The following NDUFA5 variants were observed in gnomAD, a reference collection of about 807,000 sequenced individuals.
NDUFA5 encodes NADH:ubiquinone oxidoreductase subunit A5.
Under a neutral mutation model 19.8 loss-of-function variants are expected in NDUFA5, and 11 were observed. The observed-to-expected ratio is 0.56, with a 90% CI of 0.35 to 0.92. NDUFA5 has a LOEUF of 0.92. NDUFA5 is among the 40% of genes least tolerant of loss of function. NDUFA5 has a pLI of 0.01. For missense variants in NDUFA5, 109 were observed against 134.2 expected (o/e 0.81, Z 0.93); for synonymous variants, 47 against 46.8 (o/e 1.00, Z -0.01).
chr7:123,543,674 A>C (rs544818535), intron 4 of NDUFA5, among the ~76,000 whole-genome samples: 31 of 152,310 alleles, frequency 2.0e-4, no homozygotes, highest in African/African-American at 7.0e-4. Context: ...CTGACTTAAA[A>C]ATACTTAATA....
chr7:123,548,570 T>C (rs986085597), intron 3 of NDUFA5, among the ~76,000 whole-genome samples: 5 of 152,176 alleles, frequency 3.3e-5, no homozygotes, highest in Admixed American at 2.6e-4. Flanking sequence ...AAAATAAAAA[T>C]GCAAGGAATC....
Position 123,538,258 on chromosome 7 carries a change from TAC to T in NDUFA5, c.*3859_*3860del, listed in dbSNP as rs1797812347. 6.6e-6 allele frequency: 1 copy of T among 152,326 alleles called. No homozygotes were observed. Among genetic ancestry groups the T allele is most frequent in the African/African-American group, 2.4e-5 (1 of 41,574 alleles). 9.4% of individuals were successfully genotyped at this position (152,326 alleles called of 1,614,324 possible). On this transcript the variant is annotated 3_prime_UTR_variant, in exon 5 of 5. Transcript: ENST00000355749. ...TTAGACATGCAGTATGAATAAAAAA[TAC>T]ACTTAAGACACTGGGATTTAAGGAT... is the stretch of plus-strand genomic sequence containing the variant.
In NDUFA5 at chr7:123,537,283, T is replaced by C. The variant is rs1797780757; in HGVS notation, c.*4836A>G. 6.6e-6 allele frequency: 1 copy of C among 152,196 alleles called. No individual in the cohort carries two copies. The highest frequency in any genetic ancestry group is 1.5e-5 in the Non-Finnish European group (1 of 68,018). The allele number at this position is 152,196 out of a possible 1,614,324, so 9.4% of individuals were successfully genotyped here. A position where few individuals can be genotyped will look rare whatever the true frequency, so the allele number is the denominator to read the frequency against. ...TAGTGGCTTGATAAAATCAAGCATT[T>C]CAAAGTATCTCCTGTTGTTACTACA... On this transcript the variant is annotated 3_prime_UTR_variant, in exon 5 of 5. Coordinates refer to ENST00000355749, the MANE Select transcript of NDUFA5 (RefSeq NM_005000.5).
intron 3 of NDUFA5, 32 bp from the exon 4 acceptor site, chr7:123,545,708 A>G: frequency 6.8e-7 from 1 of 1,461,786 alleles, no homozygotes. Context: ...AAATTAAAGA[A>G]GCATACTAAC....
chr7:123,542,724 C>G (rs1343922023), intron 4 of NDUFA5, among the ~76,000 whole-genome samples: 1 of 151,954 alleles, frequency 6.6e-6, no homozygotes, highest in Non-Finnish European at 1.5e-5. Flanking sequence ...TTCCATGACC[C>G]ACAGTCACTT....
chr7:123,560,308 A>T (rs1798672602), upstream of NDUFA5, among the ~76,000 whole-genome samples: 1 of 152,258 alleles, frequency 6.6e-6, no homozygotes, highest in Non-Finnish European at 1.5e-5. Flanking sequence ...CTATCCAACA[A>T]TATATTGGAA....
chr7:123,563,409 C>T, the NDUFA5 span, among the ~76,000 whole-genome samples: 1 of 152,150 alleles, frequency 6.6e-6, no homozygotes, highest in African/African-American at 2.4e-5. Flanking sequence ...AGATGGGGAA[C>T]AGCCAGTCGG....
rs56974030 is a variant in NDUFA5, at chr7:123,540,890, G to GCACACA, written c.*1223_*1228dup. The GCACACA allele has an allele frequency of 0.05, 6,662 of 133,780 alleles. 187 individuals are homozygous for GCACACA. The highest frequency in any genetic ancestry group is 0.059 in the African/African-American group (2,006 of 33,846). The allele number at this position is 133,780 out of a possible 1,614,324, so 8.3% of individuals were successfully genotyped here. On this transcript the variant is annotated 3_prime_UTR_variant, in exon 5 of 5. Coordinates refer to ENST00000355749, the MANE Select transcript of NDUFA5 (RefSeq NM_005000.5). ...TCTGAGCAAATGTGCGCATGCGCGTGCACACACACACACACACACACACAC... is the reference window on the plus strand; with the variant it reads ...TCTGAGCAAATGTGCGCATGCGCGTGCACACACACACACACACACACACACACACAC...
At chr7:123,547,931 G>A (rs992725633) in intron 3 of NDUFA5, among the ~76,000 whole-genome samples, 1 of 151,856 alleles carries the variant, frequency 6.6e-6, no homozygotes, top group Non-Finnish European at 1.5e-5. Flanking sequence ...AAAAGTGTTC[G>A]AGGTGGGTAT....
At chr7:123,578,602 C>A in the NDUFA5 span, among the ~76,000 whole-genome samples, 1 of 152,110 alleles carries the variant, frequency 6.6e-6, no homozygotes, top group Non-Finnish European at 1.5e-5. Flanking sequence ...ATTATGGAGA[C>A]CTTTGCCAAT....
chr7:123,598,352 G>T, the NDUFA5 span, among the ~76,000 whole-genome samples: 2 of 152,130 alleles, frequency 1.3e-5, no homozygotes, highest in African/African-American at 4.8e-5. Flanking sequence ...TAAACCTTTA[G>T]ATATCTCTAA....
At chr7:123,600,539 T>C in the NDUFA5 span, among the ~76,000 whole-genome samples, 4 of 152,240 alleles carry the variant, frequency 2.6e-5, no homozygotes, top group African/African-American at 9.6e-5. Context: ...TGTTTCACAA[T>C]GCTGATTGCT....
chr7:123,568,879 A>G, the NDUFA5 span, among the ~76,000 whole-genome samples: 1 of 152,248 alleles, frequency 6.6e-6, no homozygotes, highest in South Asian at 2.1e-4. Context: ...AATTATGAAA[A>G]TACATAATAA....
chr7:123,565,342 G>A, the NDUFA5 span, among the ~76,000 whole-genome samples: 1 of 150,386 alleles, frequency 6.6e-6, no homozygotes, highest in Non-Finnish European at 1.5e-5. Flanking sequence ...ATCCTCAGAC[G>A]TAACAGACGC....
intron 2 of NDUFA5, chr7:123,555,874 A>G (rs1395622385): frequency 6.6e-6 from 1 of 152,188 alleles, no homozygotes; most frequent in Non-Finnish European, 1.5e-5. Context: ...GAAAGGAGAG[A>G]TCTGACCTAC....
upstream of NDUFA5, among the ~76,000 whole-genome samples, chr7:123,559,762 A>C (rs960564931): frequency 6.6e-6 from 1 of 151,580 alleles, no homozygotes; most frequent in African/African-American, 2.4e-5. Context: ...AGGCTGAGAC[A>C]GGAGAATCAC....
At chr7:123,564,920 CATAT>C in the NDUFA5 span, among the ~76,000 whole-genome samples, 1 of 147,734 alleles carries the variant, frequency 6.8e-6, no homozygotes, top group African/African-American at 2.5e-5. Flanking sequence ...CACACACACA[CATAT>C]ATATACACAT....
At chr7:123,571,023 T>C in the NDUFA5 span, among the ~76,000 whole-genome samples, 2 of 152,164 alleles carry the variant, frequency 1.3e-5, no homozygotes, top group African/African-American at 4.8e-5. Context: ...CTGACAGTGG[T>C]TCAAGAACCC....
At chr7:123,592,435 T>C in the NDUFA5 span, among the ~76,000 whole-genome samples, 1 of 152,192 alleles carries the variant, frequency 6.6e-6, no homozygotes, top group Non-Finnish European at 1.5e-5. Flanking sequence ...GCTATAAATT[T>C]CCCTCCACAC....
Sources: allele counts gnomAD v4.1 joint callset (sites outside exome capture counted in the v4.1 genomes callset), GRCh38; gene constraint gnomAD v4.1.1; transcripts MANE v1.5; gene names NCBI Gene and HGNC (gene_info 2026-07-23, HGNC 2026-07-21).